TACR1: variants seen among roughly 807,000 people sequenced by gnomAD.
TACR1 encodes substance-P receptor.
Under a neutral mutation model 35.8 loss-of-function variants are expected in TACR1, and 25 were observed. The ratio of observed to expected loss-of-function variants is 0.70; its 90% confidence interval spans 0.51 to 0.98. The LOEUF is 0.98. Among genes scored for constraint, TACR1 ranks in the 50% least tolerant of loss-of-function variants. TACR1 has a pLI of 0.00. For missense variants in TACR1, 478 were observed against 522.9 expected, an observed-to-expected ratio of 0.91 and a Z score of 0.84; for synonymous variants, 195 against 206.7, an observed-to-expected ratio of 0.94 and a Z score of 0.48.
intron 1 of TACR1, among the ~76,000 whole-genome samples, chr2:75,180,810 C>T (rs1675542844): frequency 6.6e-6 from 1 of 152,198 alleles, no homozygotes; most frequent in South Asian, 2.1e-4. Context: ...TCATTGTATA[C>T]TGCTGAGGTC....
intron 1 of TACR1, among the ~76,000 whole-genome samples, chr2:75,163,534 T>C (rs902084646): frequency 6.6e-6 from 1 of 152,192 alleles, no homozygotes; most frequent in African/African-American, 2.4e-5. Context: ...TGTTGCCAGA[T>C]TTCTTATAAT....
intron 1 of TACR1, among the ~76,000 whole-genome samples, chr2:75,176,220 T>G (rs1466154055): frequency 6.6e-6 from 1 of 152,096 alleles, no homozygotes; most frequent in Non-Finnish European, 1.5e-5. Flanking sequence ...TTCTCTTTTA[T>G]AATACAGTTA....
Position 75,190,219 on chromosome 2 carries a change from A to T in TACR1, c.389+8327T>A, listed in dbSNP as rs1465086998. On this transcript the variant is annotated intron_variant, in intron 1 of 4. Coordinates refer to ENST00000305249, the MANE Select transcript of TACR1 (RefSeq NM_001058.4). The stretch of plus-strand genomic sequence containing the variant: ...CACATTCTCATTCAGATATTAAACA[A>T]TGATGCTCACTCCATATAAGGGTGG... 5.3e-5 allele frequency among the ~76,000 whole-genome samples: 8 copies of T among 152,338 alleles called. No individual in the cohort carries two copies. The East Asian group carries it at 1.5e-3, about 29-fold the overall frequency.
chr2:75,131,612 CA>C (rs1251371619), intron 1 of TACR1, among the ~76,000 whole-genome samples: 1 of 152,130 alleles, frequency 6.6e-6, no homozygotes, highest in Non-Finnish European at 1.5e-5. Flanking sequence ...TTGTGATACA[CA>C]TAATTTGCAA....
At chr2:75,165,082 C>T (rs1675106848) in intron 1 of TACR1, among the ~76,000 whole-genome samples, 1 of 152,198 alleles carries the variant, frequency 6.6e-6, no homozygotes, top group South Asian at 2.1e-4. Flanking sequence ...GTTAGTCTTA[C>T]TATCTTCCCA....
chr2:75,182,947 T>A (rs1405903447), intron 1 of TACR1, among the ~76,000 whole-genome samples: 1 of 152,266 alleles, frequency 6.6e-6, no homozygotes, highest in African/African-American at 2.4e-5. Flanking sequence ...ATGTGAATAA[T>A]CATTGGATTA....
At chr2:75,166,900 T>C (rs981123112) in intron 1 of TACR1, among the ~76,000 whole-genome samples, 13 of 152,334 alleles carry the variant, frequency 8.5e-5, no homozygotes, top group African/African-American at 3.1e-4. Context: ...TATAGATGCC[T>C]TAGTGTTCTT....
intron 1 of TACR1, among the ~76,000 whole-genome samples, chr2:75,123,309 C>T (rs975491705): frequency 6.6e-6 from 1 of 152,168 alleles, no homozygotes; most frequent in African/African-American, 2.4e-5. Context: ...AATATTACCT[C>T]AAATGCAAGA....
Position 75,051,442 on chromosome 2 carries a change from G to A in TACR1, c.741C>T (p.Val247=). 1 of 1,613,828 alleles carries A rather than the reference G, an allele frequency of 6.2e-7. No individual in the cohort carries two copies. Among genetic ancestry groups the A allele is most frequent in the Non-Finnish European group, 8.5e-7 (1 of 1,179,892 alleles). ...TGCACACCACGACAATCATCATTTT[G>A]ACCACCTGGCAAGAGGGTGAGACAG... ...HEQVSAKRKV[V]KMMIVVVCTF... Residue 247 remains valine, a synonymous_variant, in exon 4 of 5, where the codon GTC becomes GTT. Transcript: ENST00000305249.
At chr2:75,183,038 T>C (rs1385371969) in intron 1 of TACR1, among the ~76,000 whole-genome samples, 1 of 152,210 alleles carries the variant, frequency 6.6e-6, no homozygotes, top group Admixed American at 6.5e-5. Context: ...TGCCATTGTA[T>C]CCCTGAATCT....
chr2:75,154,405 C>CCA (rs1553380921), intron 1 of TACR1: 1 of 89,196 alleles, frequency 1.1e-5, no homozygotes, highest in Non-Finnish European at 2.5e-5. Context: ...GCCAAGAGCG[C>CCA]GCACGCACAC....
Position 75,107,679 on chromosome 2 carries a change from A to T in TACR1, c.584+12895T>A, listed in dbSNP as rs115347231. ...TGGTAGATTGTTTAAAAAGTAAAGA[A>T]TACGAGAGCACTATATATCAGCATT... is the stretch of plus-strand genomic sequence containing the variant. On this transcript the variant is annotated intron_variant, in intron 2 of 4. Coordinates refer to ENST00000305249, the MANE Select transcript of TACR1 (RefSeq NM_001058.4). 5.5e-3 allele frequency among the ~76,000 whole-genome samples: 831 copies of T among 152,174 alleles called. 8 individuals carry two copies. Among genetic ancestry groups the T allele is most frequent in the African/African-American group, 0.019 (799 of 41,560 alleles).
At chr2:75,140,960 A>G (rs958733679) in intron 1 of TACR1, among the ~76,000 whole-genome samples, 5 of 152,142 alleles carry the variant, frequency 3.3e-5, no homozygotes, top group Admixed American at 6.6e-5. Flanking sequence ...TCCCATTGTG[A>G]CTAGTTCAAA....
intron 1 of TACR1, among the ~76,000 whole-genome samples, chr2:75,192,311 A>C (rs1675865131): frequency 6.6e-6 from 1 of 152,352 alleles, no homozygotes; most frequent in South Asian, 2.1e-4. Context: ...CCTTATCCTT[A>C]TACTTACTGG....
chr2:75,080,276 A>G (rs1673059493), intron 2 of TACR1, among the ~76,000 whole-genome samples: 1 of 152,132 alleles, frequency 6.6e-6, no homozygotes, highest in Admixed American at 6.5e-5. Context: ...TCCGTCCTGG[A>G]AAAAGGTTGG....
chr2:75,123,056 C>T (rs542981548), intron 1 of TACR1, among the ~76,000 whole-genome samples: 2 of 142,948 alleles, frequency 1.4e-5, no homozygotes, highest in African/African-American at 2.6e-5. Context: ...TTATCGTTGC[C>T]GTCTTTCCAA....
At chr2:75,152,509 G>A (rs1257099858) in intron 1 of TACR1, among the ~76,000 whole-genome samples, 3 of 152,132 alleles carry the variant, frequency 2.0e-5, no homozygotes, top group African/African-American at 7.2e-5. Context: ...AGGTCTCCTA[G>A]CCATGTGGAG....
chr2:75,159,214 C>T (rs1572967265), intron 1 of TACR1, among the ~76,000 whole-genome samples: 2 of 151,842 alleles, frequency 1.3e-5, no homozygotes, highest in Admixed American at 1.3e-4. Context: ...AAGCCCTCCT[C>T]AGTTACGTTA....
At chr2:75,146,146 G>A (rs1184739368) in intron 1 of TACR1, among the ~76,000 whole-genome samples, 8 of 152,030 alleles carry the variant, frequency 5.3e-5, no homozygotes, top group Admixed American at 4.6e-4. Context: ...TTTTTCAGAT[G>A]GTGTCTCTCT....
Sources: allele counts gnomAD v4.1 joint callset (sites outside exome capture counted in the v4.1 genomes callset), GRCh38; gene constraint gnomAD v4.1.1; transcripts MANE v1.5; gene names NCBI Gene and HGNC (gene_info 2026-07-23, HGNC 2026-07-21).